The following BTRC variants were observed in gnomAD, a reference collection of about 807,000 sequenced individuals.
The protein encoded by BTRC is beta-transducin repeat containing E3 ubiquitin protein ligase, also known as F-box/WD repeat-containing protein 1A.
Under a neutral mutation model 85.5 loss-of-function variants are expected in BTRC, and 42 were observed. The ratio of observed to expected loss-of-function variants is 0.49; its 90% confidence interval spans 0.38 to 0.64. The LOEUF is 0.64. BTRC is among the 30% of genes least tolerant of loss of function. The pLI is 0.00. For synonymous variants in BTRC, 255 were observed against 263.3 expected (o/e 0.97, Z 0.30); for missense variants, 594 against 743.5 (o/e 0.80, Z 2.34).
chr10:101,438,503 C>G (rs113152873), intron 2 of BTRC, among the ~76,000 whole-genome samples: 2 of 148,048 alleles, frequency 1.4e-5, no homozygotes, highest in African/African-American at 5.0e-5. Flanking sequence ...ATGTCTCACA[C>G]ATACACATAC....
At chr10:101,523,898 A>G (rs2062154909) in intron 5 of BTRC, among the ~76,000 whole-genome samples, 1 of 152,144 alleles carries the variant, frequency 6.6e-6, no homozygotes, top group African/African-American at 2.4e-5. Context: ...CCATATGATG[A>G]TGAATTTTTA....
intron 1 of BTRC, among the ~76,000 whole-genome samples, chr10:101,411,436 T>C (rs1943776361): frequency 6.6e-6 from 1 of 152,246 alleles, no homozygotes; most frequent in African/African-American, 2.4e-5. Context: ...CAGATATGCA[T>C]GTGTTAGACC....
intron 4 of BTRC, among the ~76,000 whole-genome samples, chr10:101,509,943 G>A (rs890359992): frequency 3.3e-5 from 5 of 151,548 alleles, no homozygotes; most frequent in Admixed American, 2.6e-4. Flanking sequence ...CAAGACAGGT[G>A]GATCACGAGA....
intron 1 of BTRC, among the ~76,000 whole-genome samples, chr10:101,389,096 C>T (rs1220003208): frequency 8.1e-6 from 1 of 124,128 alleles, no homozygotes; most frequent in Non-Finnish European, 1.6e-5. Flanking sequence ...TTGAATGTTG[C>T]ATAATTGTGA....
chr10:101,434,939 C>G (rs1005309206), intron 2 of BTRC, among the ~76,000 whole-genome samples: 1 of 152,042 alleles, frequency 6.6e-6, no homozygotes, highest in Non-Finnish European at 1.5e-5. Context: ...CTGGCCTCAA[C>G]AAGATTATTA....
At chr10:101,360,740 T>C (rs1942182939) in intron 1 of BTRC, among the ~76,000 whole-genome samples, 1 of 152,148 alleles carries the variant, frequency 6.6e-6, no homozygotes, top group African/African-American at 2.4e-5. Context: ...TAAGTGATCT[T>C]TGTGCCTCGG....
Position 101,554,537 on chromosome 10 carries a change from G to A in BTRC, c.*1414G>A, listed in dbSNP as rs1338904045. ...TCTCCCACACCCAGTATTTGCAGAA[G>A]GGCAAAGCTGCTTAAGAGAGAGGAT... On this transcript the variant is annotated 3_prime_UTR_variant, in exon 15 of 15. Coordinates refer to ENST00000370187, the MANE Select transcript of BTRC (RefSeq NM_033637.4). 1 of 152,634 alleles carries A rather than the reference G, an allele frequency of 6.6e-6. No individual in the cohort carries two copies. The highest frequency in any genetic ancestry group is 1.5e-5 in the Non-Finnish European group (1 of 68,042). The allele number at this position is 152,634 out of a possible 1,614,324, so 9.5% of individuals were successfully genotyped here.
In BTRC at chr10:101,366,967, A is replaced by ATATATATTAAT. The variant is rs1301633409; in HGVS notation, c.48+12739_48+12740insTATATATTAAT. ...ATATATTTATATATATATTTATATA[A>ATATATATTAAT]ATATATATTTATATATTTATATATA... On this transcript the variant is annotated intron_variant, in intron 1 of 14. Transcript: ENST00000370187. Among the ~76,000 whole-genome samples, 50 of 30,008 alleles carry ATATATATTAAT rather than the reference A, an allele frequency of 1.7e-3. 4 individuals carry two copies. The highest frequency in any genetic ancestry group is 3.7e-3 in the African/African-American group (45 of 12,104). The allele number at this position is 30,008 out of a possible 152,430, so 19.7% of individuals were successfully genotyped here. A position where few individuals can be genotyped will look rare whatever the true frequency, so the allele number is the denominator to read the frequency against.
intron 13 of BTRC, 110 bp from the exon 14 acceptor site, chr10:101,550,589 A>G: frequency 8.1e-7 from 1 of 1,235,454 alleles, no homozygotes; most frequent in Non-Finnish European, 1.1e-6. Context: ...GCCTCTTTAT[A>G]ACAGCAAACC....
In BTRC at chr10:101,534,923, T is replaced by C. The variant is rs2062362535; in HGVS notation, c.1347+13T>C. ...TAGAACTATAAAGGTAATAAGGCAT[T>C]TTTCAGTAAGTTTCCAACTTAGAAT... On this transcript the variant is annotated intron_variant, in intron 10 of 14. Coordinates refer to ENST00000370187, the MANE Select transcript of BTRC (RefSeq NM_033637.4). 1 of 1,604,902 alleles carries C rather than the reference T, an allele frequency of 6.2e-7. No individual in the cohort carries two copies. Among genetic ancestry groups the C allele is most frequent in the Non-Finnish European group, 8.5e-7 (1 of 1,172,204 alleles).
chr10:101,469,112 C>T (rs550641901), intron 3 of BTRC, among the ~76,000 whole-genome samples: 3 of 152,316 alleles, frequency 2.0e-5, no homozygotes, highest in African/African-American at 7.2e-5. Flanking sequence ...AACTCTCTGC[C>T]TCTGGTTCAG....
chr10:101,517,734 A>G (rs984074600), intron 4 of BTRC, among the ~76,000 whole-genome samples: 5 of 152,140 alleles, frequency 3.3e-5, no homozygotes, highest in African/African-American at 4.8e-5. Context: ...CCCAGCTTCA[A>G]ACTTGGGTGT....
chr10:101,530,300 T>TG (rs2062260798), intron 6 of BTRC, among the ~76,000 whole-genome samples: 1 of 152,202 alleles, frequency 6.6e-6, no homozygotes, highest in South Asian at 2.1e-4. Context: ...TGGACACACC[T>TG]GTGATCCTTT....
intron 6 of BTRC, among the ~76,000 whole-genome samples, chr10:101,530,093 G>A (rs1209245894): frequency 1.3e-5 from 2 of 152,040 alleles, no homozygotes; most frequent in African/African-American, 2.4e-5. Flanking sequence ...ATCTAGCTTG[G>A]GATACGAGTA....
At chr10:101,366,173 G>GTT (rs1942367877) in intron 1 of BTRC, among the ~76,000 whole-genome samples, 1 of 151,996 alleles carries the variant, frequency 6.6e-6, no homozygotes. Flanking sequence ...CACATTTTCT[G>GTT]TTAAGTAGTA....
At chr10:101,537,611 T>C (rs1444241735) in intron 12 of BTRC, among the ~76,000 whole-genome samples, 1 of 152,248 alleles carries the variant, frequency 6.6e-6, no homozygotes, top group Non-Finnish European at 1.5e-5. Context: ...TGGCAGCTTT[T>C]TAAATATCAG....
chr10:101,551,768 A>T (rs1220491625), intron 14 of BTRC, among the ~76,000 whole-genome samples: 1 of 152,074 alleles, frequency 6.6e-6, no homozygotes, highest in Non-Finnish European at 1.5e-5. Flanking sequence ...TCTTTCTCTC[A>T]CAGAGGACAC....
At chr10:101,417,205 CTCAG>C (rs1943969521) in intron 1 of BTRC, among the ~76,000 whole-genome samples, 1 of 152,140 alleles carries the variant, frequency 6.6e-6, no homozygotes, top group African/African-American at 2.4e-5. Flanking sequence ...CTCTAGTAAT[CTCAG>C]TCAATGTCCT....
chr10:101,493,233 A>AG (rs1946178251), intron 4 of BTRC, among the ~76,000 whole-genome samples: 1 of 152,244 alleles, frequency 6.6e-6, no homozygotes, highest in Non-Finnish European at 1.5e-5. Context: ...AACAAAAAAA[A>AG]GTGAAAAATT....
Sources: allele counts gnomAD v4.1 joint callset (sites outside exome capture counted in the v4.1 genomes callset), GRCh38; gene constraint gnomAD v4.1.1; transcripts MANE v1.5; gene names NCBI Gene and HGNC (gene_info 2026-07-23, HGNC 2026-07-21).